Variants in DCTN1 observed in about 807,000 individuals in gnomAD.
DCTN1 encodes 150 kDa dynein-associated polypeptide.
Under a neutral mutation model 161.2 loss-of-function variants are expected in DCTN1, and 61 were observed. The observed-to-expected ratio is 0.38, with a 90% CI of 0.31 to 0.47. The LOEUF (loss-of-function observed/expected upper bound fraction) is 0.47. DCTN1 is among the 20% of genes least tolerant of loss of function. The pLI, the probability that DCTN1 is intolerant of heterozygous loss-of-function variation, is 0.99. For missense variants in DCTN1, 1,404 were observed against 1,623.7 expected, an observed-to-expected ratio of 0.86 and a Z score of 2.33; for synonymous variants, 653 against 632.4, an observed-to-expected ratio of 1.03 and a Z score of -0.49.
Position 74,369,845 on chromosome 2 carries a change from C to T in DCTN1, c.1392+120G>A. ...AAAAAAAAAAAAAAAAAGGCAGGGT[C>T]AGGGTAGCAAGCCCAGGCTGGGTCC... On this transcript the variant is annotated intron_variant, in intron 13 of 31. Transcript: ENST00000628224. The surrounding 1 kb of genome is among the most constrained non-coding windows in gnomAD (Gnocchi z 4.9). 2.2e-6 allele frequency: 2 copies of T among 896,600 alleles called. No individual in the cohort carries two copies. Among genetic ancestry groups the T allele is most frequent in the Non-Finnish European group, 3.6e-6 (2 of 551,966 alleles). 55.5% of individuals were successfully genotyped at this position (896,600 alleles called of 1,614,324 possible). A position where few individuals can be genotyped will look rare whatever the true frequency, so the allele number is the denominator to read the frequency against.
chr2:74,372,982 T>C, intron 6 of DCTN1, 34 bp from the exon 7 acceptor site: 2 of 1,611,252 alleles, frequency 1.2e-6, no homozygotes, highest in Non-Finnish European at 1.7e-6. Flanking sequence ...AGAGAAGTAG[T>C]CAGGAAAGAA....
At chr2:74,371,806 G>T (rs539590382) in intron 7 of DCTN1, 78 bp from the exon 8 acceptor site, 2 of 1,187,998 alleles carry the variant, frequency 1.7e-6, no homozygotes, top group African/African-American at 3.0e-5. Context: ...CAGAATATGA[G>T]AATATGGCAA....
intron 16 of DCTN1, 172 bp downstream of exon 16, chr2:74,368,556 T>G (rs1674593301): frequency 1.1e-6 from 1 of 903,534 alleles, no homozygotes; most frequent in East Asian, 2.6e-5. Flanking sequence ...CTATCTCTCC[T>G]TGAAAACACA....
chr2:74,372,423 G>C (rs770191832), intron 7 of DCTN1, among the ~76,000 whole-genome samples: 3 of 152,244 alleles, frequency 2.0e-5, no homozygotes, highest in Non-Finnish European at 4.4e-5. Context: ...AAGGTGGGCA[G>C]AGGAGCTGAC....
rs372745511 is a variant in DCTN1 at position 74,374,296 on chromosome 2, C to A, written c.432+27G>T. The A allele has an allele frequency of 5.1e-5, 83 of 1,612,570 alleles. No homozygotes were observed. The Middle Eastern group carries it at 8.2e-4, about 16-fold the overall frequency. On this transcript the variant is annotated intron_variant, in intron 6 of 31. Coordinates refer to ENST00000628224, the MANE Select transcript of DCTN1 (RefSeq NM_004082.5). Reference sequence around the variant, plus strand: ...TGCCACCATTGCCCTGGCAACCCAGCAGCAGGACGAGAGCAAGCAAGAGTA... The same window carrying A: ...TGCCACCATTGCCCTGGCAACCCAGAAGCAGGACGAGAGCAAGCAAGAGTA...
In DCTN1 at chr2:74,370,875, G is replaced by A. The variant is rs762595616; in HGVS notation, c.844-50C>T. The stretch of plus-strand genomic sequence containing the variant: ...GGGGTACCAGCACAGAGATGCCCCA[G>A]GCCTTTCTCACAGTATGTTCCAGGC... On this transcript the variant is annotated intron_variant, in intron 9 of 31. Coordinates refer to ENST00000628224, the MANE Select transcript of DCTN1 (RefSeq NM_004082.5). This position sits in a 1 kb window ranked among gnomAD's most constrained non-coding sequence, Gnocchi z 4.4. 3.1e-6 allele frequency: 5 copies of A among 1,613,336 alleles called. No individual in the cohort carries two copies. In the South Asian group the frequency reaches 5.5e-5, roughly 18 times the overall value.
At chr2:74,362,340 C>G (rs891490468) in intron 30 of DCTN1, among the ~76,000 whole-genome samples, 199 bp from the exon 31 acceptor site, 2 of 152,188 alleles carry the variant, frequency 1.3e-5, no homozygotes, top group African/African-American at 4.8e-5. Context: ...TCCTGTAAGG[C>G]CCAACTCACA....
rs774681414 is a variant in DCTN1, at chr2:74,365,966, G to C, written c.2813C>G (p.Ala938Gly). 1.9e-6 allele frequency: 3 copies of C among 1,614,222 alleles called. No homozygotes were observed. The highest frequency in any genetic ancestry group is 3.3e-5 in the Admixed American group (2 of 60,034). Residue 938 changes from alanine to glycine, a missense_variant, in exon 24 of 32, where the codon GCT (alanine) becomes GGT (glycine). This residue lies in a region of DCTN1 where 475 missense variants were observed against 489.8 expected (regional missense o/e 0.97). Transcript: ENST00000628224. The part of the protein sequence containing the change: ...AAALRAEITD[A>G]EGLGLKLEDR... Reference sequence around the variant, plus strand: ...TTCGAGCTTCAAACCCAGGCCTTCAGCATCTGTGATCTCTGCACGAAGGGC... The same window carrying C: ...TTCGAGCTTCAAACCCAGGCCTTCACCATCTGTGATCTCTGCACGAAGGGC...
chr2:74,382,012 G>A (rs945402605), upstream of DCTN1, among the ~76,000 whole-genome samples: 2 of 152,178 alleles, frequency 1.3e-5, no homozygotes, highest in African/African-American at 4.8e-5. Context: ...CAGACTGTGA[G>A]GAGTAGAGCC....
Position 74,373,140 on chromosome 2 carries a change from G to A in DCTN1, c.433-192C>T, listed in dbSNP as rs1674991350. Reference sequence around the variant, plus strand: ...ACTGTATTCCTACTTCAGGAACCCAGAATTCCTGTTCCCCTTGGTTCCTGC... The same window carrying A: ...ACTGTATTCCTACTTCAGGAACCCAAAATTCCTGTTCCCCTTGGTTCCTGC... On this transcript the variant is annotated intron_variant, in intron 6 of 31. Transcript: ENST00000628224. The A allele has an allele frequency of 9.0e-6, 6 of 663,428 alleles. No homozygotes were observed. The South Asian group carries it at 9.9e-5, about 11-fold the overall frequency. The allele number at this position is 663,428 out of a possible 1,614,324, so 41.1% of individuals were successfully genotyped here. A position where few individuals can be genotyped will look rare whatever the true frequency, so the allele number is the denominator to read the frequency against.
intron 1 of DCTN1, chr2:74,386,522 A>C (rs1675740692): frequency 6.6e-6 from 1 of 152,194 alleles, no homozygotes; most frequent in Non-Finnish European, 1.5e-5. Context: ...ATTTCAGTTC[A>C]GAGGGTACTC....
rs1186279680 is a variant in DCTN1 at position 74,367,334 on chromosome 2, C to A, written c.2253+18G>T. The A allele has an allele frequency of 6.2e-7, 1 of 1,613,978 alleles. No individual in the cohort carries two copies. Among genetic ancestry groups the A allele is most frequent in the Non-Finnish European group, 8.5e-7 (1 of 1,179,894 alleles). ...TCTGATCTCCACGGGGGCTCAATCACTGGCCCAGATACTTCACCTTAATGT... is the reference window on the plus strand; with the variant it reads ...TCTGATCTCCACGGGGGCTCAATCAATGGCCCAGATACTTCACCTTAATGT... On this transcript the variant is annotated intron_variant, in intron 19 of 31. Coordinates refer to ENST00000628224, the MANE Select transcript of DCTN1 (RefSeq NM_004082.5).
At chr2:74,362,506 C>CT in intron 30 of DCTN1, 144 bp downstream of exon 30, 1 of 828,690 alleles carries the variant, frequency 1.2e-6, no homozygotes. Context: ...AGACAGTGAG[C>CT]TTCCAAGGCA....
intron 18 of DCTN1, 65 bp from the exon 19 acceptor site, chr2:74,367,485 T>G (rs1272009917): frequency 6.3e-7 from 1 of 1,584,866 alleles, no homozygotes; most frequent in African/African-American, 1.3e-5. Flanking sequence ...CTTCCCAAAC[T>G]GTAGTTTGAG....
At position 74,366,814 on chromosome 2, in the gene DCTN1, C is replaced by A; in HGVS notation, c.2435G>T (p.Gly812Val). 1 of 1,614,256 alleles carries A rather than the reference C, an allele frequency of 6.2e-7. No homozygotes were observed. The highest frequency in any genetic ancestry group is 8.5e-7 in the Non-Finnish European group (1 of 1,180,054). The change falls in exon 21 of 32, where the codon GGG becomes GTG. Residue 812 changes from glycine (G) to valine (V), a missense_variant. Gly to Val is a moderately radical substitution (Grantham distance 109). Transcript: ENST00000628224. ...RRRMPGTDAPGIPAALAFGPQ... is the reference protein window; with the variant it reads ...RRRMPGTDAPVIPAALAFGPQ... The stretch of plus-strand genomic sequence containing the variant: ...TCCAAAGGCCAGTGCAGCTGGGATC[C>A]CAGGAGCATCTGTCCCTGGCATTCG...
In DCTN1 at chr2:74,377,890, C is replaced by T. The variant is rs1675316189; in HGVS notation, c.279+110G>A. On this transcript the variant is annotated intron_variant, in intron 2 of 31. Transcript: ENST00000628224. ...CCCTCCCCCACTACCTTCCACTCTC[C>T]CAACCAGAGGCTTATGCCCATGCTC... The T allele has an allele frequency of 2.0e-6, 3 of 1,535,586 alleles. No individual in the cohort carries two copies. In the African/African-American group the frequency reaches 4.1e-5, roughly 21 times the overall value.
intron 1 of DCTN1, among the ~76,000 whole-genome samples, chr2:74,388,368 C>T (rs1012027661): frequency 6.6e-6 from 1 of 152,134 alleles, no homozygotes; most frequent in African/African-American, 2.4e-5. Context: ...CATAGTGATA[C>T]CCCATCTCTA....
chr2:74,363,757 T>A, intron 26 of DCTN1, 129 bp from the exon 27 acceptor site: 1 of 1,241,998 alleles, frequency 8.1e-7, no homozygotes, highest in Non-Finnish European at 1.2e-6. Context: ...CTAATCATCA[T>A]ACTTTCTCTA....
intron 1 of DCTN1, among the ~76,000 whole-genome samples, chr2:74,388,197 A>AAAAACGAAAC (rs1675828994): frequency 6.6e-6 from 1 of 150,668 alleles, no homozygotes; most frequent in East Asian, 2.0e-4. Flanking sequence ...ACTGTATCTC[A>AAAAACGAAAC]AAAACAAAAC....
Sources: allele counts gnomAD v4.1 joint callset (sites outside exome capture counted in the v4.1 genomes callset), GRCh38; gene constraint gnomAD v4.1.1; regional missense constraint gnomAD v4.1.1; non-coding constraint Gnocchi (gnomAD v3.1); transcripts MANE v1.5; gene names NCBI Gene and HGNC (gene_info 2026-07-23, HGNC 2026-07-21).